DHX36: variants seen among roughly 807,000 people sequenced by gnomAD.
DHX36 encodes ATP-dependent DNA/RNA helicase DHX36.
In DHX36, 50 loss-of-function variants were observed where a neutral mutation model predicts 139.0. That is an observed-to-expected ratio of 0.36 (90% CI 0.29 to 0.46). The LOEUF (loss-of-function observed/expected upper bound fraction) is 0.46, where lower values mean the gene tolerates loss of function less well. Ranked by LOEUF, DHX36 falls within the 20% of genes least tolerant of loss-of-function variation. DHX36 has a pLI of 1.00. For missense variants in DHX36, 1,024 were observed against 1,211.3 expected (o/e 0.85, Z 2.29); for synonymous variants, 425 against 401.9 (o/e 1.06, Z -0.69).
Position 154,304,799 on chromosome 3 carries a change from T to C in DHX36, c.1135+7A>G. 1 of 1,536,838 alleles carries C rather than the reference T, an allele frequency of 6.5e-7. No homozygotes were observed. Among genetic ancestry groups the C allele is most frequent in the Non-Finnish European group, 8.7e-7 (1 of 1,147,158 alleles). On this transcript the variant is annotated splice_region_variant and intron_variant, in intron 8 of 24. Coordinates refer to ENST00000496811, the MANE Select transcript of DHX36 (RefSeq NM_020865.3). ...TTTCTAATGTAATAACTATACATTT[T>C]ACTCACCAAAATATTCTGAAAACTT...
intron 3 of DHX36, chr3:154,311,941 C>T (rs1454402582): frequency 1.5e-5 from 5 of 324,278 alleles, no homozygotes; most frequent in Non-Finnish European, 2.8e-5. Flanking sequence ...TGTCCTCTAA[C>T]AGTATTCTAA....
chr3:154,321,448 A>C (rs775601838), intron 1 of DHX36, among the ~76,000 whole-genome samples: 5 of 152,192 alleles, frequency 3.3e-5, no homozygotes, highest in Non-Finnish European at 7.3e-5. Flanking sequence ...TGTCCCTGAA[A>C]AATCTTCTAA....
chr3:154,309,119 T>C (rs542085918), intron 5 of DHX36, among the ~76,000 whole-genome samples: 2 of 152,026 alleles, frequency 1.3e-5, no homozygotes, highest in Admixed American at 6.6e-5. Context: ...ACCCTAGAGG[T>C]TGAGGCTGCA....
chr3:154,310,736 G>A (rs1466006529), intron 4 of DHX36, among the ~76,000 whole-genome samples: 4 of 122,908 alleles, frequency 3.3e-5, no homozygotes, highest in South Asian at 3.1e-4. Context: ...CCGAGATTGC[G>A]CCACTGCACT....
intron 2 of DHX36, among the ~76,000 whole-genome samples, chr3:154,315,549 C>T (rs989912069): frequency 2.6e-5 from 4 of 152,048 alleles, no homozygotes; most frequent in African/African-American, 4.8e-5. Flanking sequence ...TCCTTCACTG[C>T]GGTTACTTAC....
chr3:154,314,442 A>G (rs1158100561), intron 3 of DHX36, among the ~76,000 whole-genome samples: 1 of 152,192 alleles, frequency 6.6e-6, no homozygotes, highest in Non-Finnish European at 1.5e-5. Flanking sequence ...GAGTTTCCTC[A>G]GTAATTTCTC....
At chr3:154,288,091 T>C (rs559837616) in intron 17 of DHX36, among the ~76,000 whole-genome samples, 31 of 137,356 alleles carry the variant, frequency 2.3e-4, no homozygotes, top group African/African-American at 7.8e-4. Context: ...GAGGTTGCAG[T>C]GATCTGAGAT....
chr3:154,276,026 C>A lies in DHX36; in HGVS notation c.*145G>T, dbSNP rs759175630. On this transcript the variant is annotated 3_prime_UTR_variant, in exon 25 of 25. Transcript: ENST00000496811. ...TCTCTACATATAACATCAAGTCATG[C>A]ACATTAAGTCTTTACTACCTACTGA... The A allele has an allele frequency of 1.4e-5, 8 of 554,352 alleles. No individual in the cohort carries two copies. Among genetic ancestry groups the A allele is most frequent in the Non-Finnish European group, 2.2e-5 (7 of 319,442 alleles). 34.3% of individuals were successfully genotyped at this position (554,352 alleles called of 1,614,324 possible).
chr3:154,283,247 C>G lies in DHX36; in HGVS notation c.2317G>C (p.Gly773Arg). Residue 773 changes from glycine (G) to arginine (R), a missense_variant, in exon 20 of 25, where the codon GGT becomes CGT. Transcript: ENST00000496811. ...CAATAGTCCTTTTCGTATCTGAAAC[C>G]ACGTCGCCTAGCCTCTTCCCAGCCC... ...FEGWEEARRR[G>R]FRYEKDYCWE... is the part of the protein sequence containing the mutation. 6.2e-7 allele frequency: 1 copy of G among 1,613,516 alleles called. No homozygotes were observed. The highest frequency in any genetic ancestry group is 1.1e-5 in the South Asian group (1 of 91,050).
intron 16 of DHX36, among the ~76,000 whole-genome samples, 183 bp from the exon 17 acceptor site, chr3:154,289,147 T>C (rs1350833328): frequency 6.6e-6 from 1 of 152,132 alleles, no homozygotes; most frequent in East Asian, 1.9e-4. Context: ...GTCCTATATA[T>C]ATTACTACTT....
Position 154,303,406 on chromosome 3 carries a change from G to A in DHX36, c.1140C>T (p.Asn380=), listed in dbSNP as rs1294133524. The change falls in exon 9 of 25, where the codon AAC becomes AAT. Residue 380 remains asparagine, a synonymous_variant. Transcript: ENST00000496811. The part of the protein sequence containing the change: ...NAEKFSEYFG[N]CPMIHIPGFT... ...AACCAGGTATATGTATCATTGGACA[G>A]TTACCTATTACGGCAGACAAAATAT... 2.5e-6 allele frequency: 4 copies of A among 1,597,574 alleles called. No homozygotes were observed. In the African/African-American group the frequency reaches 4.0e-5, roughly 16 times the overall value.
At chr3:154,293,577 G>A (rs561462813) in intron 14 of DHX36, among the ~76,000 whole-genome samples, 171 bp downstream of exon 14, 2 of 151,956 alleles carry the variant, frequency 1.3e-5, no homozygotes, top group African/African-American at 4.8e-5. Flanking sequence ...ATGAGACCTT[G>A]TCTCAAAAAA....
intron 5 of DHX36, among the ~76,000 whole-genome samples, chr3:154,307,747 C>T (rs1341007801): frequency 6.6e-6 from 1 of 151,612 alleles, no homozygotes; most frequent in Non-Finnish European, 1.5e-5. Flanking sequence ...TCATTTGATC[C>T]AGCAATCCCA....
At chr3:154,285,118 G>C in intron 17 of DHX36, 131 bp from the exon 18 acceptor site, 1 of 941,650 alleles carries the variant, frequency 1.1e-6, no homozygotes. Flanking sequence ...ATATTGTTCA[G>C]CTTTAGTTTT....
chr3:154,315,121 T>C lies in DHX36; in HGVS notation c.528A>G (p.Pro176=), dbSNP rs1712917467. 6.2e-7 allele frequency: 1 copy of C among 1,613,464 alleles called. No individual in the cohort carries two copies. Among genetic ancestry groups the C allele is most frequent in the Non-Finnish European group, 8.5e-7 (1 of 1,179,726 alleles). Residue 176 remains proline (P), a synonymous_variant, in exon 3 of 25, where the codon CCA becomes CCG. Coordinates refer to ENST00000496811, the MANE Select transcript of DHX36 (RefSeq NM_020865.3). ...ATAATTTTTGGTCTAAAGTTCCATC[T>C]GGTTCATTTTCTTGCAAGAGATACT... The part of the protein sequence containing the change: ...DSEYLLQENE[P]DGTLDQKLLE...
intron 3 of DHX36, among the ~76,000 whole-genome samples, chr3:154,313,540 C>A (rs951992645): frequency 6.6e-6 from 1 of 151,934 alleles, no homozygotes; most frequent in Non-Finnish European, 1.5e-5. Flanking sequence ...ATTAACCAGG[C>A]GTACTGGCAC....
rs1712656404 is a variant in DHX36, at chr3:154,309,709, T to C, written c.757A>G (p.Lys253Glu). ...FILDNYIERG[K>E]GSACRIVCTQ... Reference sequence around the variant, plus strand: ...CAAACTATTCTGCAAGCAGATCCTTTTCCTCTTTCAATGTAGTTATCCAAA... The same window carrying C: ...CAAACTATTCTGCAAGCAGATCCTTCTCCTCTTTCAATGTAGTTATCCAAA... Residue 253 changes from lysine (K) to glutamate (E), a missense_variant, in exon 5 of 25, where the codon AAA (lysine) becomes GAA (glutamate). Lys to Glu is a moderately conservative substitution (Grantham distance 56). This residue lies in a region of DHX36 where 146 missense variants were observed against 215.0 expected (regional missense o/e 0.68). Coordinates refer to ENST00000496811, the MANE Select transcript of DHX36 (RefSeq NM_020865.3). 1 of 1,613,356 alleles carries C rather than the reference T, an allele frequency of 6.2e-7. No homozygotes were observed. Among genetic ancestry groups the C allele is most frequent in the Non-Finnish European group, 8.5e-7 (1 of 1,179,730 alleles).
Position 154,315,295 on chromosome 3 carries a change from TAAGAAAGG to T in DHX36, c.369-23_369-16del, listed in dbSNP as rs1266084299. On this transcript the variant is annotated splice_polypyrimidine_tract_variant and intron_variant, in intron 2 of 24. Transcript: ENST00000496811. ...CAGTACCGTATCTGTTTTGACAAAA[TAAGAAAGG>T]AAGAAAGGTCAGATGAGCCACTCAA... 3 of 1,587,920 alleles carry T rather than the reference TAAGAAAGG, an allele frequency of 1.9e-6. No individual in the cohort carries two copies. The highest frequency in any genetic ancestry group is 2.6e-6 in the Non-Finnish European group (3 of 1,164,838).
intron 12 of DHX36, among the ~76,000 whole-genome samples, chr3:154,298,586 G>A (rs1283568371): frequency 6.6e-6 from 1 of 152,148 alleles, no homozygotes; most frequent in African/African-American, 2.4e-5. Context: ...TATTATTTTA[G>A]TCAATACAAT....
Sources: gnomAD v4.1 joint callset for allele counts (sites outside exome capture counted in the v4.1 genomes callset) on GRCh38, gnomAD v4.1.1 for gene constraint, gnomAD v4.1.1 regional missense constraint, MANE v1.5 for transcripts, NCBI Gene and HGNC (gene_info 2026-07-23, HGNC 2026-07-21) for gene names.